Variants in DPP6 observed in about 807,000 individuals in gnomAD.
The protein encoded by DPP6 is dipeptidyl peptidase like 6, also known as A-type potassium channel modulatory protein DPP6.
A neutral mutation model predicts 122.6 loss-of-function variants in DPP6; 69 were observed. The observed-to-expected ratio is 0.56, with a 90% confidence interval of 0.46 to 0.69. The LOEUF is 0.69. Ranked by LOEUF, DPP6 falls within the 30% of genes least tolerant of loss-of-function variation. The pLI is 0.00. For synonymous variants in DPP6, 418 were observed against 433.1 expected (o/e 0.97, Z 0.43); for missense variants, 928 against 1,116.9 (o/e 0.83, Z 2.41).
At chr7:154,137,650 T>TGGGGGGGGGGGGGGGGGG (rs1419049474) in intron 1 of DPP6, among the ~76,000 whole-genome samples, 2 of 10,060 alleles carry the variant, frequency 2.0e-4, no homozygotes, top group Non-Finnish European at 4.2e-4. Context: ...GTGGGGGGGG[T>TGGGGGGGGGGGGGGGGGG]GGGGGGGTGG....
intron 3 of DPP6, among the ~76,000 whole-genome samples, chr7:154,518,533 T>A (rs185022622): frequency 6.6e-6 from 1 of 152,330 alleles, no homozygotes; most frequent in Admixed American, 6.5e-5. Context: ...CCCCTTGCAC[T>A]GCCAAGTGTC....
At chr7:153,759,895 TTCTC>T in the DPP6 span, among the ~76,000 whole-genome samples, 1 of 151,056 alleles carries the variant, frequency 6.6e-6, no homozygotes, top group Non-Finnish European at 1.5e-5. Flanking sequence ...CTGCTTCCAC[TTCTC>T]TCTCTCTCTG....
chr7:154,743,275 T>C (rs1269903490), intron 8 of DPP6, among the ~76,000 whole-genome samples: 1 of 152,078 alleles, frequency 6.6e-6, no homozygotes, highest in Non-Finnish European at 1.5e-5. Flanking sequence ...AAACCATCAT[T>C]AAGGGAAAAT....
intron 1 of DPP6, among the ~76,000 whole-genome samples, chr7:154,284,292 A>G (rs1455594900): frequency 6.6e-6 from 1 of 152,236 alleles, no homozygotes; most frequent in Non-Finnish European, 1.5e-5. Context: ...GAAAAAGCAG[A>G]TGAGTCATGC....
intron 1 of DPP6, among the ~76,000 whole-genome samples, chr7:153,900,230 A>G (rs1373564466): frequency 9.8e-6 from 1 of 101,626 alleles, no homozygotes; most frequent in African/African-American, 4.5e-5. Context: ...ACTTTCTCCC[A>G]TCTTTCTGTT....
At chr7:154,062,281 C>G (rs1213840913) in intron 1 of DPP6, among the ~76,000 whole-genome samples, 6 of 82,696 alleles carry the variant, frequency 7.3e-5, no homozygotes, top group African/African-American at 2.0e-4. Context: ...TTACTGAGAG[C>G]CAGTCCCTCT....
intron 16 of DPP6, among the ~76,000 whole-genome samples, chr7:154,844,923 G>A (rs964347468): frequency 6.6e-6 from 1 of 152,148 alleles, no homozygotes; most frequent in Non-Finnish European, 1.5e-5. Context: ...TTCACAAACA[G>A]AATATAATTC....
chr7:154,302,328 GTTCA>G (rs1805966097), intron 1 of DPP6, among the ~76,000 whole-genome samples: 1 of 152,124 alleles, frequency 6.6e-6, no homozygotes, highest in Non-Finnish European at 1.5e-5. Flanking sequence ...TTTCCTCCAG[GTTCA>G]TTCATGCTGT....
At chr7:154,005,559 G>A (rs1341107595) in intron 1 of DPP6, among the ~76,000 whole-genome samples, 2 of 151,774 alleles carry the variant, frequency 1.3e-5, no homozygotes, top group African/African-American at 4.8e-5. Flanking sequence ...AAGAAAGTAG[G>A]CAGGCCTGAA....
At chr7:154,569,497 T>TC (rs893176410) in intron 5 of DPP6, among the ~76,000 whole-genome samples, 43 of 152,130 alleles carry the variant, frequency 2.8e-4, no homozygotes, top group Middle Eastern at 3.4e-3. Flanking sequence ...TCCAATCTAA[T>TC]TATAATGAAA....
chr7:154,019,808 A>G (rs2533824), intron 1 of DPP6, among the ~76,000 whole-genome samples: 1 of 152,206 alleles, frequency 6.6e-6, no homozygotes, highest in Non-Finnish European at 1.5e-5. Context: ...CCTTTGTAAA[A>G]TCTTTATTGA....
At chr7:154,607,801 T>G (rs1273714880) in intron 5 of DPP6, among the ~76,000 whole-genome samples, 3 of 118,034 alleles carry the variant, frequency 2.5e-5, no homozygotes, top group African/African-American at 8.1e-5. Context: ...GTGCTAAATA[T>G]GTGTTAATTG....
intron 1 of DPP6, among the ~76,000 whole-genome samples, chr7:154,334,345 G>C (rs1483720004): frequency 6.6e-6 from 1 of 152,202 alleles, no homozygotes; most frequent in African/African-American, 2.4e-5. Flanking sequence ...AAAGCAAGAA[G>C]GACAGATGAT....
chr7:154,109,642 G>C (rs1806426008), intron 1 of DPP6, among the ~76,000 whole-genome samples: 1 of 152,184 alleles, frequency 6.6e-6, no homozygotes, highest in Admixed American at 6.5e-5. Flanking sequence ...TTAAAAAGCT[G>C]CTCACAAATA....
At chr7:154,380,319 T>C (rs1009989456) in intron 1 of DPP6, among the ~76,000 whole-genome samples, 1 of 152,132 alleles carries the variant, frequency 6.6e-6, no homozygotes, top group Non-Finnish European at 1.5e-5. Context: ...CAAATTATTT[T>C]CAAATGGCTT....
intron 1 of DPP6, among the ~76,000 whole-genome samples, chr7:153,988,145 CCTT>C (rs1432259439): frequency 3.9e-5 from 6 of 152,318 alleles, no homozygotes; most frequent in South Asian, 2.1e-4. Context: ...TGGCTGTCCT[CCTT>C]CTTTTTTTCC....
chr7:154,371,378 C>CAA (rs1167770083), intron 1 of DPP6, among the ~76,000 whole-genome samples: 2,358 of 47,676 alleles, frequency 0.049, 228 homozygotes, highest in Middle Eastern at 0.088. Context: ...AACTCTGTCT[C>CAA]AAAAAAAAAA....
At chr7:154,871,711 C>T (rs1253943813) in intron 18 of DPP6, among the ~76,000 whole-genome samples, 2 of 152,216 alleles carry the variant, frequency 1.3e-5, no homozygotes, top group Admixed American at 1.3e-4. Context: ...CAGCCCGAAT[C>T]AGTAATGAGA....
intron 1 of DPP6, among the ~76,000 whole-genome samples, chr7:154,061,798 C>G (rs192510207): frequency 2.5e-4 from 26 of 102,394 alleles, no homozygotes; most frequent in African/African-American, 6.6e-4. Context: ...CCCCTCGCGA[C>G]GCGGGGACTG....
Sources: allele counts gnomAD v4.1 joint callset (sites outside exome capture counted in the v4.1 genomes callset), GRCh38; gene constraint gnomAD v4.1.1; transcripts MANE v1.5; gene names NCBI Gene and HGNC (gene_info 2026-07-23, HGNC 2026-07-21).